NUMA1: variants seen among roughly 807,000 people sequenced by gnomAD.
The protein encoded by NUMA1 is nuclear mitotic apparatus protein 1.
NUMA1 carries 62 observed loss-of-function variants against 237.1 expected under a neutral mutation model. That is an observed-to-expected ratio of 0.26 (90% confidence interval 0.21 to 0.32). The LOEUF is 0.32. Among genes scored for constraint, NUMA1 ranks in the 10% least tolerant of loss-of-function variants. NUMA1 has a pLI of 1.00. For synonymous variants in NUMA1, 1,028 were observed against 1,066.1 expected (o/e 0.96, Z 0.70); for missense variants, 2,533 against 2,666.5 (o/e 0.95, Z 1.10).
In NUMA1 at chr11:72,014,096, C is replaced by T; in HGVS notation, c.3407G>A (p.Cys1136Tyr). The change falls in exon 15 of 27, where the codon TGC becomes TAC. Residue 1136 changes from cysteine to tyrosine, a missense_variant. By Grantham distance (194) the Cys-to-Tyr change is radical. Coordinates refer to ENST00000393695, the MANE Select transcript of NUMA1 (RefSeq NM_006185.4). The surrounding 1 kb of genome is among the most constrained non-coding windows in gnomAD (Gnocchi z 4.6). ...GTCAGCCTGCTCCTGCTGCTTCTGG[C>T]ATTGCTGTTCCAGCTTGCTCACCTC... ...RAEVSKLEQQ[C>Y]QKQQEQADSL... 4.3e-6 allele frequency: 7 copies of T among 1,611,208 alleles called. No homozygotes were observed. Among genetic ancestry groups the T allele is most frequent in the Non-Finnish European group, 5.1e-6 (6 of 1,180,020 alleles).
chr11:72,028,451 A>AAC (rs1565241616), intron 4 of NUMA1, among the ~76,000 whole-genome samples: 4 of 24,786 alleles, frequency 1.6e-4, no homozygotes, highest in Non-Finnish European at 2.6e-4. Context: ...GCTTTTTCTT[A>AAC]AAAAAAAAAA....
intron 1 of NUMA1, among the ~76,000 whole-genome samples, chr11:72,072,593 T>C (rs1037116653): frequency 3.9e-5 from 6 of 152,140 alleles, no homozygotes; most frequent in African/African-American, 1.4e-4. Flanking sequence ...CTCTCCCTTC[T>C]ACAGCCATCA....
At chr11:72,033,420 G>A (rs559390063) in intron 3 of NUMA1, among the ~76,000 whole-genome samples, 77 of 150,652 alleles carry the variant, frequency 5.1e-4, no homozygotes, top group African/African-American at 1.8e-3. Flanking sequence ...TGTCCAGGCC[G>A]GAGTGTAGTG....
At chr11:72,004,908 A>T in intron 23 of NUMA1, 92 bp from the exon 24 acceptor site, 1 of 1,263,514 alleles carries the variant, frequency 7.9e-7, no homozygotes, top group Non-Finnish European at 1.1e-6. Context: ...CTCGCCCGAC[A>T]CTTATGGTCG....
intron 2 of NUMA1, among the ~76,000 whole-genome samples, chr11:72,048,488 C>T (rs969045575): frequency 6.6e-6 from 1 of 152,180 alleles, no homozygotes; most frequent in Non-Finnish European, 1.5e-5. Flanking sequence ...TCTCCTGCCT[C>T]AGCCTCCCGA....
At chr11:72,034,074 C>T (rs1289097363) in intron 3 of NUMA1, among the ~76,000 whole-genome samples, 1 of 152,078 alleles carries the variant, frequency 6.6e-6, no homozygotes, top group Non-Finnish European at 1.5e-5. Flanking sequence ...ATGATTACAT[C>T]ACTGTACTCC....
chr11:72,010,708 C>A, intron 17 of NUMA1, 78 bp downstream of exon 17: 1 of 1,421,818 alleles, frequency 7.0e-7, no homozygotes, highest in African/African-American at 1.4e-5. Flanking sequence ...TGCCCCGACA[C>A]CCCCCACGGC....
chr11:72,009,072 T>A lies in NUMA1; in HGVS notation c.4953A>T (p.Glu1651Asp), dbSNP rs1383947912. 6.2e-7 allele frequency: 1 copy of A among 1,613,644 alleles called. No homozygotes were observed. The highest frequency in any genetic ancestry group is 8.5e-7 in the Non-Finnish European group (1 of 1,179,986). Residue 1651 changes from glutamate to aspartate, a missense_variant, in exon 19 of 27, where the codon GAA becomes GAT. By Grantham distance (45) the Glu-to-Asp change is conservative. This residue lies in a region of NUMA1 where 795 missense variants were observed against 750.8 expected (regional missense o/e 1.06). Transcript: ENST00000393695. The part of the protein sequence containing the change: ...LQKENKELRA[E>D]AERLGHELQQ... Reference sequence around the variant, plus strand: ...GTAGCTCATGGCCCAGCCGTTCAGCTTCAGCTCGCAGCTCTTTGTTTTCCT... The same window carrying A: ...GTAGCTCATGGCCCAGCCGTTCAGCATCAGCTCGCAGCTCTTTGTTTTCCT...
At chr11:72,034,278 T>C (rs1475737351) in intron 3 of NUMA1, among the ~76,000 whole-genome samples, 1 of 152,222 alleles carries the variant, frequency 6.6e-6, no homozygotes, top group Non-Finnish European at 1.5e-5. Flanking sequence ...ACTGCATGTA[T>C]GTGGGTACTT....
intron 2 of NUMA1, among the ~76,000 whole-genome samples, chr11:72,057,380 A>G (rs141469718): frequency 1.3e-4 from 20 of 152,376 alleles, no homozygotes; most frequent in African/African-American, 3.8e-4. Flanking sequence ...TTCCATATTA[A>G]AACTCTATTT....
At chr11:72,008,154 A>G (rs1288904880) in intron 20 of NUMA1, 1 of 478,092 alleles carries the variant, frequency 2.1e-6, no homozygotes, top group South Asian at 1.5e-5. Flanking sequence ...GTCTAGCACA[A>G]AATAAGTAAA....
intron 1 of NUMA1, among the ~76,000 whole-genome samples, chr11:72,074,226 G>A (rs918230831): frequency 9.5e-5 from 5 of 52,814 alleles, no homozygotes; most frequent in Non-Finnish European, 2.3e-4. Flanking sequence ...AGTGGTGTGC[G>A]CCTGTAATCC....
At chr11:72,006,874 A>G (rs779992343) in intron 21 of NUMA1, among the ~76,000 whole-genome samples, 2 of 152,242 alleles carry the variant, frequency 1.3e-5, no homozygotes, top group African/African-American at 2.4e-5. Context: ...TCTCAGCTGC[A>G]TGGGGCATGC....
At chr11:72,007,866 C>A (rs10736785) in intron 20 of NUMA1, 311,042 of 345,934 alleles carry the variant, frequency 0.9, 140,532 homozygotes, top group Non-Finnish European at 0.95. Context: ...CTGAACAGCT[C>A]CTAACCACAC....
At chr11:72,016,803 C>T (rs1937853679) in intron 13 of NUMA1, 2 of 399,964 alleles carry the variant, frequency 5.0e-6, no homozygotes, top group East Asian at 1.0e-4. Flanking sequence ...TTACCGTATA[C>T]CCTTCCTCAG....
At position 72,009,434 on chromosome 11, in the gene NUMA1, A is replaced by T. The variant is rs569372410; in HGVS notation, c.4720-47T>A. The T allele has an allele frequency of 3.9e-5, 61 of 1,551,514 alleles. No individual in the cohort carries two copies. In the African/African-American group the frequency reaches 7.1e-4, roughly 18 times the overall value. On this transcript the variant is annotated intron_variant, in intron 17 of 26. Transcript: ENST00000393695. Reference sequence around the variant, plus strand: ...GAAAGCTGGTCTGGCCGCTCTACCCAAGTCCGCTTATCTGCACCAGCCACT... The same window carrying T: ...GAAAGCTGGTCTGGCCGCTCTACCCTAGTCCGCTTATCTGCACCAGCCACT...
Position 72,003,129 on chromosome 11 carries a change from C to G in NUMA1, c.*398G>C, listed in dbSNP as rs755868576. The G allele has an allele frequency of 2.0e-4, 54 of 274,072 alleles. No individual in the cohort carries two copies. Among genetic ancestry groups the G allele is most frequent in the Non-Finnish European group, 3.1e-4 (44 of 142,974 alleles). The allele number at this position is 274,072 out of a possible 1,614,324, so 17.0% of individuals were successfully genotyped here. ...TCAAGAGTGAGGGCCCCTGCTGGGC[C>G]CAGCCACCAGGACAGCAGGAACCAG... On this transcript the variant is annotated 3_prime_UTR_variant, in exon 27 of 27. Coordinates refer to ENST00000393695, the MANE Select transcript of NUMA1 (RefSeq NM_006185.4).
At position 72,017,815 on chromosome 11, in the gene NUMA1, C is replaced by T; in HGVS notation, c.991G>A (p.Ala331Thr). 6.2e-7 allele frequency: 1 copy of T among 1,604,618 alleles called. No homozygotes were observed. The highest frequency in any genetic ancestry group is 1.1e-5 in the South Asian group (1 of 90,954). ...TCCTGTAGCTGCTGCAGATGACTGG[C>T]AAACTCCCGCAGCTGAGACGGGCAA... Reference protein sequence around the residue: ...GDLSFKLREFASHLQQLQDAL... With the variant: ...GDLSFKLREFTSHLQQLQDAL... Residue 331 changes from alanine to threonine, a missense_variant, in exon 13 of 27, where the codon GCC becomes ACC. Coordinates refer to ENST00000393695, the MANE Select transcript of NUMA1 (RefSeq NM_006185.4).
In NUMA1 at chr11:72,006,027, C is replaced by A; in HGVS notation, c.5692+8G>T. 1.2e-6 allele frequency: 2 copies of A among 1,604,808 alleles called. No individual in the cohort carries two copies. The highest frequency in any genetic ancestry group is 1.1e-5 in the South Asian group (1 of 90,626). ...TTGGGGTATAGTAAGTCCCTGTAGT[C>A]CCCTCACCTGGAGGGGCCCCACTGG... On this transcript the variant is annotated splice_region_variant and intron_variant, in intron 22 of 26. Coordinates refer to ENST00000393695, the MANE Select transcript of NUMA1 (RefSeq NM_006185.4).
Sources: gnomAD v4.1 joint callset for allele counts (sites outside exome capture counted in the v4.1 genomes callset) on GRCh38, gnomAD v4.1.1 for gene constraint, gnomAD v4.1.1 regional missense constraint, Gnocchi (gnomAD v3.1) non-coding constraint, MANE v1.5 for transcripts, NCBI Gene and HGNC (gene_info 2026-07-23, HGNC 2026-07-21) for gene names.